Variants in ATG7 observed in about 807,000 individuals in gnomAD.
The protein encoded by ATG7 is autophagy related 7.
In ATG7, 70 loss-of-function variants were observed where a neutral mutation model predicts 82.4. That is an observed-to-expected ratio of 0.85 (90% confidence interval 0.70 to 1.04). The LOEUF (loss-of-function observed/expected upper bound fraction) is 1.04. ATG7 is among the 50% of genes least tolerant of loss of function. The probability of loss-of-function intolerance (pLI) is 0.00; values close to 1 mark genes in which losing one functional copy is unlikely to be tolerated. For missense variants in ATG7, 792 were observed against 864.3 expected (o/e 0.92, Z 1.05); for synonymous variants, 287 against 313.0 (o/e 0.92, Z 0.88).
intron 20 of ATG7, among the ~76,000 whole-genome samples, chr3:11,482,747 G>T (rs78831006): frequency 6.6e-6 from 1 of 151,560 alleles, no homozygotes; most frequent in Non-Finnish European, 1.5e-5. Flanking sequence ...CTAGTGCCAG[G>T]CTACTAATCC....
At chr3:11,575,223 A>G in the ATG7 span, among the ~76,000 whole-genome samples, 20 of 152,174 alleles carry the variant, frequency 1.3e-4, no homozygotes, top group Non-Finnish European at 2.9e-4. Flanking sequence ...CTGTGGTGCG[A>G]GAGGGAAGGC....
chr3:11,497,357 C>CTATATACA (rs2090912959), intron 20 of ATG7, among the ~76,000 whole-genome samples: 2 of 57,320 alleles, frequency 3.5e-5, no homozygotes, highest in South Asian at 9.1e-4. Flanking sequence ...ACTAAAAATA[C>CTATATACA]TATATATATA....
chr3:11,427,421 C>T (rs2082455441), intron 20 of ATG7, among the ~76,000 whole-genome samples: 1 of 152,048 alleles, frequency 6.6e-6, no homozygotes. Flanking sequence ...CCAGACACAA[C>T]CCGAGAGAGT....
intron 20 of ATG7, among the ~76,000 whole-genome samples, chr3:11,545,194 G>T (rs1293226026): frequency 6.6e-6 from 1 of 152,182 alleles, no homozygotes; most frequent in Non-Finnish European, 1.5e-5. Context: ...CCAGGGCTGG[G>T]GGCCTAGGGC....
At chr3:11,466,010 G>T (rs1482113718) in intron 20 of ATG7, among the ~76,000 whole-genome samples, 1 of 152,142 alleles carries the variant, frequency 6.6e-6, no homozygotes, top group African/African-American at 2.4e-5. Context: ...GTAAAATTTA[G>T]CTCTAATTAT....
At chr3:11,400,285 A>C (rs994601285) in intron 19 of ATG7, among the ~76,000 whole-genome samples, 2 of 152,162 alleles carry the variant, frequency 1.3e-5, no homozygotes, top group African/African-American at 2.4e-5. Flanking sequence ...CACCATACTT[A>C]ATTTAAGCCA....
chr3:11,559,544 G>C, downstream of ATG7: 1 of 1,419,458 alleles, frequency 7.0e-7, no homozygotes, highest in Non-Finnish European at 9.2e-7. Flanking sequence ...TTCAGGCTCT[G>C]TCCTGGTGCC....
At position 11,556,548 on chromosome 3, in the gene ATG7, A is replaced by G. The variant is rs2072430019; in HGVS notation, c.*1705A>G. Reference sequence around the variant, plus strand: ...AACTCGTGGCTATGAATGCAGATGCAGTGTTCTCATAGAATAACTGTTCCT... The same window carrying G: ...AACTCGTGGCTATGAATGCAGATGCGGTGTTCTCATAGAATAACTGTTCCT... On this transcript the variant is annotated 3_prime_UTR_variant, in exon 21 of 21. Transcript: ENST00000693202. 6.5e-6 allele frequency: 1 copy of G among 152,742 alleles called. No individual in the cohort carries two copies. Among genetic ancestry groups the G allele is most frequent in the African/African-American group, 2.4e-5 (1 of 41,448 alleles). 9.5% of individuals were successfully genotyped at this position (152,742 alleles called of 1,614,324 possible). A position where few individuals can be genotyped will look rare whatever the true frequency, so the allele number is the denominator to read the frequency against.
At chr3:11,565,299 C>G in the ATG7 span, among the ~76,000 whole-genome samples, 1 of 152,082 alleles carries the variant, frequency 6.6e-6, no homozygotes, top group Non-Finnish European at 1.5e-5. The surrounding 1 kb of genome is among the most constrained non-coding windows in gnomAD (Gnocchi z 4.1). Flanking sequence ...GTGTTCACTT[C>G]TATAATAATC....
At chr3:11,460,495 G>C (rs2086202050) in intron 20 of ATG7, among the ~76,000 whole-genome samples, 1 of 152,206 alleles carries the variant, frequency 6.6e-6, no homozygotes, top group African/African-American at 2.4e-5. Flanking sequence ...CCAGAGCGTT[G>C]CCTTTGCCAG....
At chr3:11,486,350 C>G (rs1472279753) in intron 20 of ATG7, among the ~76,000 whole-genome samples, 8 of 152,088 alleles carry the variant, frequency 5.3e-5, no homozygotes, top group African/African-American at 9.7e-5. Context: ...TCTGTTATTG[C>G]TGTATAAGAA....
At chr3:11,381,444 G>A (rs149752334) in intron 19 of ATG7, among the ~76,000 whole-genome samples, 223 of 152,218 alleles carry the variant, frequency 1.5e-3, no homozygotes, top group African/African-American at 4.8e-3. Context: ...AAAGATAATT[G>A]GGTTCTCTAA....
At chr3:11,323,453 C>T (rs1297420417) in intron 9 of ATG7, among the ~76,000 whole-genome samples, 2 of 152,144 alleles carry the variant, frequency 1.3e-5, no homozygotes, top group Non-Finnish European at 2.9e-5. Flanking sequence ...GAAAATGGGC[C>T]TTAAGTTCTT....
At chr3:11,491,931 C>A (rs1002054755) in intron 20 of ATG7, among the ~76,000 whole-genome samples, 1 of 152,168 alleles carries the variant, frequency 6.6e-6, no homozygotes, top group Non-Finnish European at 1.5e-5. Context: ...CTGTGCCCTG[C>A]CCCCAGAGGT....
chr3:11,296,019 C>G (rs1945849063), intron 3 of ATG7, among the ~76,000 whole-genome samples: 1 of 152,150 alleles, frequency 6.6e-6, no homozygotes, highest in Non-Finnish European at 1.5e-5. Context: ...CTCAGGTGAT[C>G]CACCCGCCTT....
chr3:11,518,512 A>C (rs958583939), intron 20 of ATG7, among the ~76,000 whole-genome samples: 1 of 151,244 alleles, frequency 6.6e-6, no homozygotes, highest in African/African-American at 2.4e-5. Context: ...GTGCTACTGT[A>C]CTCCAGCCTG....
chr3:11,481,686 G>C (rs1221493372), intron 20 of ATG7, among the ~76,000 whole-genome samples: 2 of 152,202 alleles, frequency 1.3e-5, no homozygotes, highest in Non-Finnish European at 2.9e-5. Context: ...AGAATGACGA[G>C]AGCTTTGTTG....
chr3:11,430,966 A>G (rs1379134753), intron 20 of ATG7, among the ~76,000 whole-genome samples: 1 of 152,236 alleles, frequency 6.6e-6, no homozygotes, highest in Non-Finnish European at 1.5e-5. Context: ...TTCTAGACTG[A>G]ATAAAGGTCT....
At chr3:11,335,760 C>T (rs1047800766) in intron 11 of ATG7, among the ~76,000 whole-genome samples, 3 of 152,170 alleles carry the variant, frequency 2.0e-5, no homozygotes, top group Admixed American at 6.5e-5. Context: ...TGCAATGGCA[C>T]GATCTCGGCT....
Sources: gnomAD v4.1 joint callset for allele counts (sites outside exome capture counted in the v4.1 genomes callset) on GRCh38, gnomAD v4.1.1 for gene constraint, Gnocchi (gnomAD v3.1) non-coding constraint, MANE v1.5 for transcripts, NCBI Gene and HGNC (gene_info 2026-07-23, HGNC 2026-07-21) for gene names.